Variants in DDX19A observed in about 807,000 individuals in gnomAD.
DDX19A encodes ATP-dependent RNA helicase DDX19A.
A neutral mutation model predicts 60.6 loss-of-function variants in DDX19A; 12 were observed. The observed-to-expected ratio is 0.20, with a 90% CI of 0.13 to 0.32. The LOEUF is 0.32. Ranked by LOEUF, DDX19A falls within the 10% of genes least tolerant of loss-of-function variation. DDX19A has a pLI of 1.00. For synonymous variants in DDX19A, 206 were observed against 218.2 expected (o/e 0.94, Z 0.49); for missense variants, 337 against 600.6 (o/e 0.56, Z 4.59).
rs2047299451 is a variant in DDX19A at position 70,372,887 on chromosome 16, T to C, written c.*901T>C. ...GTTATGACCAAGGGAATTATGCTGT[T>C]CATTTATAATAGTGGACATTATGGA... On this transcript the variant is annotated 3_prime_UTR_variant, in exon 12 of 12. Coordinates refer to ENST00000302243, the MANE Select transcript of DDX19A (RefSeq NM_018332.5). 6.6e-6 allele frequency: 1 copy of C among 152,366 alleles called. No individual in the cohort carries two copies. The highest frequency in any genetic ancestry group is 1.9e-4 in the East Asian group (1 of 5,192). 9.4% of individuals were successfully genotyped at this position (152,366 alleles called of 1,614,324 possible).
At chr16:70,353,296 G>C (rs1388294954) in intron 2 of DDX19A, among the ~76,000 whole-genome samples, 1 of 151,792 alleles carries the variant, frequency 6.6e-6, no homozygotes, top group Non-Finnish European at 1.5e-5. Flanking sequence ...TTTGTATTTA[G>C]TAGAGACAGG....
chr16:70,347,997 G>C (rs564896223), intron 1 of DDX19A: 49 of 451,062 alleles, frequency 1.1e-4, no homozygotes, highest in South Asian at 7.6e-4. Flanking sequence ...GCCGGTATGG[G>C]GATTTTTGAG....
chr16:70,364,690 G>T (rs1238161755), intron 6 of DDX19A, 45 bp downstream of exon 6: 1 of 1,411,682 alleles, frequency 7.1e-7, no homozygotes. Flanking sequence ...CTGCCCTGGG[G>T]AGCGCAGTGC....
intron 2 of DDX19A, among the ~76,000 whole-genome samples, chr16:70,353,065 TA>T (rs1369836965): frequency 6.6e-6 from 1 of 152,146 alleles, no homozygotes; most frequent in Non-Finnish European, 1.5e-5. Flanking sequence ...GTCTGTAGGA[TA>T]AATTCCCCAA....
intron 2 of DDX19A, among the ~76,000 whole-genome samples, chr16:70,355,192 C>A (rs886148735): frequency 3.9e-5 from 6 of 152,034 alleles, no homozygotes; most frequent in Admixed American, 2.6e-4. Flanking sequence ...TCCTGGCCAA[C>A]GTGGTGAAAC....
chr16:70,353,103 A>G (rs1423444227), intron 2 of DDX19A, among the ~76,000 whole-genome samples: 1 of 151,298 alleles, frequency 6.6e-6, no homozygotes. Context: ...TCAAAGGTAT[A>G]TGCATTTGCG....
chr16:70,358,864 T>G (rs537584431), intron 4 of DDX19A, among the ~76,000 whole-genome samples: 10 of 152,120 alleles, frequency 6.6e-5, no homozygotes, highest in Admixed American at 2.0e-4. Context: ...ACGGAAATTA[T>G]GCTTTTCTAT....
Position 70,366,913 on chromosome 16 carries a change from C to G in DDX19A, c.1020+52C>G, listed in dbSNP as rs752199081. On this transcript the variant is annotated intron_variant, in intron 9 of 11. Coordinates refer to ENST00000302243, the MANE Select transcript of DDX19A (RefSeq NM_018332.5). ...TGGCCCCTCCCTCTCAGCCAGCTCC[C>G]CACAGGGCTCAGGAGGACTGGATGC... 69 of 1,606,250 alleles carry G rather than the reference C, an allele frequency of 4.3e-5. No homozygotes were observed. In the African/African-American group the frequency reaches 8.4e-4, roughly 20 times the overall value.
intron 5 of DDX19A, among the ~76,000 whole-genome samples, chr16:70,363,013 CAAAAAA>C (rs774331485): frequency 5.0e-4 from 42 of 84,824 alleles, no homozygotes; most frequent in African/African-American, 1.8e-3. Context: ...GACTCTGTCT[CAAAAAA>C]AAAAAAAAAA....
Position 70,356,123 on chromosome 16 carries a change from G to A in DDX19A, c.169G>A (p.Ala57Thr), listed in dbSNP as rs1173500990. The A allele has an allele frequency of 6.2e-7, 1 of 1,613,832 alleles. No homozygotes were observed. The highest frequency in any genetic ancestry group is 1.1e-5 in the South Asian group (1 of 91,054). ...TTTCTTCCTGACAGAGGACAGAGCT[G>A]CCCAGTCCTTACTCAACAAGCTGAT... is the stretch of plus-strand genomic sequence containing the variant. Reference protein sequence around the residue: ...TDEEEKEDRAAQSLLNKLIRS... With the variant: ...TDEEEKEDRATQSLLNKLIRS... The change falls in exon 4 of 12, where the codon GCC becomes ACC. Residue 57 changes from alanine (A) to threonine (T), a missense_variant. Around this residue, in one of 6 missense-constraint regions of DDX19A, gnomAD observed 127 missense variants for 160.3 expected, o/e 0.79. Coordinates refer to ENST00000302243, the MANE Select transcript of DDX19A (RefSeq NM_018332.5).
In DDX19A at chr16:70,346,996, C is replaced by T. The variant is rs1963850602; in HGVS notation, c.5C>T (p.Ala2Val). Residue 2 changes from alanine (A) to valine (V), a missense_variant, in exon 1 of 12, where the codon GCC becomes GTC. Around this residue, in one of 6 missense-constraint regions of DDX19A, gnomAD observed 127 missense variants for 160.3 expected, o/e 0.79. Coordinates refer to ENST00000302243, the MANE Select transcript of DDX19A (RefSeq NM_018332.5). Reference protein sequence around the residue: MATDSWALAVDE... With the variant: MVTDSWALAVDE... ...GGGTCTCCCTTGTCCGGGACTATGG[C>T]CACCGACTCGTGGGCCCTGGCGGTG... 1.2e-6 allele frequency: 2 copies of T among 1,612,540 alleles called. No homozygotes were observed. The highest frequency in any genetic ancestry group is 1.7e-6 in the Non-Finnish European group (2 of 1,179,722).
intron 4 of DDX19A, among the ~76,000 whole-genome samples, chr16:70,360,168 C>T (rs1489229525): frequency 6.6e-6 from 1 of 151,918 alleles, no homozygotes; most frequent in Non-Finnish European, 1.5e-5. Context: ...GTAATCCTAG[C>T]TCCTCAGAAG....
Position 70,372,517 on chromosome 16 carries a change from C to CT in DDX19A, c.*534dup, listed in dbSNP as rs1452749755. ...TCTTCCTTCTCCTGAAATCCAGAGA[C>CT]TTTCTTGCTCATCCCTTCTCCCTTT... On this transcript the variant is annotated 3_prime_UTR_variant, in exon 12 of 12. Coordinates refer to ENST00000302243, the MANE Select transcript of DDX19A (RefSeq NM_018332.5). 6.2e-6 allele frequency: 1 copy of CT among 162,348 alleles called. No individual in the cohort carries two copies. Among genetic ancestry groups the CT allele is most frequent in the Non-Finnish European group, 1.3e-5 (1 of 74,452 alleles). The allele number at this position is 162,348 out of a possible 1,614,324, so 10.1% of individuals were successfully genotyped here. A position where few individuals can be genotyped will look rare whatever the true frequency, so the allele number is the denominator to read the frequency against.
chr16:70,348,859 C>A (rs1963931057), intron 1 of DDX19A, among the ~76,000 whole-genome samples: 1 of 151,606 alleles, frequency 6.6e-6, no homozygotes, highest in South Asian at 2.1e-4. Flanking sequence ...GTGGGAGGAT[C>A]ACCTGAGCCT....
intron 9 of DDX19A, among the ~76,000 whole-genome samples, chr16:70,368,050 AC>A (rs1964571393): frequency 6.6e-6 from 1 of 152,058 alleles, no homozygotes; most frequent in African/African-American, 2.4e-5. Flanking sequence ...GGTGGCACAC[AC>A]CTGTAGTCTC....
intron 5 of DDX19A, among the ~76,000 whole-genome samples, chr16:70,361,967 T>A (rs558709702): frequency 3.3e-5 from 5 of 151,668 alleles, no homozygotes; most frequent in Non-Finnish European, 7.4e-5. Context: ...GCTCAGTAAT[T>A]CGAGACCAGC....
At chr16:70,361,020 G>C (rs1171073034) in intron 4 of DDX19A, 1 of 206,088 alleles carries the variant, frequency 4.9e-6, no homozygotes, top group Non-Finnish European at 9.7e-6. Flanking sequence ...TGAGATTACA[G>C]GCATGAGTCA....
chr16:70,364,510 T>G, intron 5 of DDX19A, 33 bp from the exon 6 acceptor site: 625 of 1,422,872 alleles, frequency 4.4e-4, no homozygotes, highest in Non-Finnish European at 5.7e-4. Flanking sequence ...GTTTCACCAA[T>G]TTAAGTTTCA....
At chr16:70,371,032 C>T (rs1322961667) in intron 10 of DDX19A, 3 of 410,618 alleles carry the variant, frequency 7.3e-6, no homozygotes, top group Non-Finnish European at 8.7e-6. Context: ...GGAACTCCCG[C>T]AGAAACCAGT....
Sources: allele counts gnomAD v4.1 joint callset (sites outside exome capture counted in the v4.1 genomes callset), GRCh38; gene constraint gnomAD v4.1.1; regional missense constraint gnomAD v4.1.1; transcripts MANE v1.5; gene names NCBI Gene and HGNC (gene_info 2026-07-23, HGNC 2026-07-21).